The following RBFOX3 variants were observed in gnomAD, a reference collection of about 807,000 sequenced individuals.
RBFOX3 encodes the protein RNA binding fox-1 homolog 3, also known as RNA binding protein fox-1 homolog 3.
A neutral mutation model predicts 48.7 loss-of-function variants in RBFOX3; 17 were observed. The observed-to-expected ratio is 0.35, with a 90% CI of 0.24 to 0.52. RBFOX3 has a LOEUF of 0.52. Ranked by LOEUF, RBFOX3 falls within the 20% of genes least tolerant of loss-of-function variation. RBFOX3 has a pLI of 0.94. For synonymous variants in RBFOX3, 212 were observed against 209.5 expected (o/e 1.01, Z -0.10); for missense variants, 382 against 497.5 (o/e 0.77, Z 2.21).
In RBFOX3 at chr17:79,579,735, G is replaced by C; in HGVS notation, c.-320+31091C>G. Among the ~76,000 whole-genome samples the C allele has an allele frequency of 2.0e-5, 3 of 150,088 alleles. No individual in the cohort carries two copies. In the South Asian group the frequency reaches 6.4e-4, roughly 32 times the overall value. On this transcript the variant is annotated intron_variant, in intron 1 of 14. Transcript: ENST00000693108. ...CATGGTGGGGAGTCACTGGCGCCGT[G>C]GTGGGGAGTCACTGGCGCCGTGGTG...
intron 4 of RBFOX3, among the ~76,000 whole-genome samples, chr17:79,163,294 G>A (rs538561000): frequency 1.3e-4 from 20 of 152,322 alleles, no homozygotes; most frequent in African/African-American, 3.8e-4. Flanking sequence ...GGGGAAAGCC[G>A]CAGGCCCGGG....
chr17:79,463,037 A>T (rs1263156212), intron 2 of RBFOX3, among the ~76,000 whole-genome samples: 1 of 62,102 alleles, frequency 1.6e-5, no homozygotes, highest in Non-Finnish European at 4.6e-5. Context: ...CTCCACCACC[A>T]TCGCCACTGC....
intron 4 of RBFOX3, among the ~76,000 whole-genome samples, chr17:79,125,020 C>T (rs1417102140): frequency 6.6e-6 from 1 of 152,220 alleles, no homozygotes; most frequent in Non-Finnish European, 1.5e-5. Context: ...TCTGTCGTCG[C>T]CAGTTCTGGG....
At chr17:79,312,813 T>C (rs1013499707) in intron 2 of RBFOX3, among the ~76,000 whole-genome samples, 11 of 152,098 alleles carry the variant, frequency 7.2e-5, no homozygotes, top group African/African-American at 2.7e-4. Flanking sequence ...CATGTGAGGA[T>C]GGAGGGGCAG....
At chr17:79,182,036 C>T (rs1009443395) in intron 4 of RBFOX3, among the ~76,000 whole-genome samples, 1 of 151,980 alleles carries the variant, frequency 6.6e-6, no homozygotes, top group Non-Finnish European at 1.5e-5. Flanking sequence ...TCTCCTCCAA[C>T]GTGTGCATGG....
intron 1 of RBFOX3, among the ~76,000 whole-genome samples, chr17:79,582,782 C>CA (rs36155299): frequency 0.64 from 30,023 of 46,846 alleles, 10,981 homozygotes; most frequent in East Asian, 0.91. Context: ...GACCCCGTCT[C>CA]AAAAAAAAAA....
At chr17:79,207,180 T>G (rs1420673614) in intron 4 of RBFOX3, among the ~76,000 whole-genome samples, 2 of 152,246 alleles carry the variant, frequency 1.3e-5, no homozygotes, top group Non-Finnish European at 2.9e-5. Context: ...TAGGGTTGTT[T>G]TACGATTCAG....
At chr17:79,297,100 T>C (rs34654118) in intron 3 of RBFOX3, among the ~76,000 whole-genome samples, 70,166 of 137,808 alleles carry the variant, frequency 0.51, 16,887 homozygotes, top group Middle Eastern at 0.6. Flanking sequence ...CTTAAAGTGA[T>C]GCCCAAGGCC....
rs1312492760 is a variant in RBFOX3, at chr17:79,575,932, T to A, written c.-320+34894A>T. Among the ~76,000 whole-genome samples the A allele has an allele frequency of 3.9e-5, 6 of 152,198 alleles. No individual in the cohort carries two copies. In the East Asian group the frequency reaches 9.6e-4, roughly 24 times the overall value. ...TTCCAAGCAAAAGTCGCCAGTCCTGTTGGGAGCTTGGAGGGATGCTGTGCT... is the reference window on the plus strand; with the variant it reads ...TTCCAAGCAAAAGTCGCCAGTCCTGATGGGAGCTTGGAGGGATGCTGTGCT... On this transcript the variant is annotated intron_variant, in intron 1 of 14. Transcript: ENST00000693108.
chr17:79,559,439 A>G (rs946115341), intron 1 of RBFOX3, among the ~76,000 whole-genome samples: 1 of 146,014 alleles, frequency 6.8e-6, no homozygotes, highest in Non-Finnish European at 1.5e-5. Context: ...ATGGGTGGAT[A>G]GTAGATGGGT....
intron 1 of RBFOX3, among the ~76,000 whole-genome samples, chr17:79,573,608 G>A (rs2092758066): frequency 6.6e-6 from 1 of 152,198 alleles, no homozygotes; most frequent in Non-Finnish European, 1.5e-5. Flanking sequence ...CCATCCTACA[G>A]CTGTGACCAC....
intron 2 of RBFOX3, among the ~76,000 whole-genome samples, chr17:79,409,835 T>G (rs182232635): frequency 5.9e-5 from 9 of 152,198 alleles, no homozygotes; most frequent in South Asian, 2.1e-4. Context: ...AGGGATGCTG[T>G]CTGGCCTCTG....
chr17:79,596,272 C>T (rs2093567307), intron 1 of RBFOX3, among the ~76,000 whole-genome samples: 1 of 152,216 alleles, frequency 6.6e-6, no homozygotes, highest in Admixed American at 6.5e-5. Flanking sequence ...CCAACTGAAC[C>T]CTCAGGGCAG....
chr17:79,114,389 C>A (rs550340139), intron 5 of RBFOX3, among the ~76,000 whole-genome samples: 9 of 152,168 alleles, frequency 5.9e-5, no homozygotes, highest in Non-Finnish European at 7.4e-5. Flanking sequence ...TCGGGCTGGG[C>A]GGGGCTCCAA....
rs564915611 is a variant in RBFOX3 at position 79,267,284 on chromosome 17, C to A, written c.-73-31479G>T. ...TGGCGGGTCGCTGAAACTTTAGGGC[C>A]TTCAGTGCCTCCCCTTCAAGCTGAT... On this transcript the variant is annotated intron_variant, in intron 3 of 14. Transcript: ENST00000693108. Among the ~76,000 whole-genome samples the A allele has an allele frequency of 2.0e-5, 3 of 152,314 alleles. No homozygotes were observed. The South Asian group carries it at 6.2e-4, about 32-fold the overall frequency.
At chr17:79,467,414 C>A (rs1216237821) in intron 2 of RBFOX3, among the ~76,000 whole-genome samples, 1 of 152,196 alleles carries the variant, frequency 6.6e-6, no homozygotes, top group Non-Finnish European at 1.5e-5. Flanking sequence ...TTCCAAATTT[C>A]TTTTACATTT....
chr17:79,507,563 T>C (rs1293080140), intron 1 of RBFOX3, among the ~76,000 whole-genome samples: 7 of 151,972 alleles, frequency 4.6e-5, no homozygotes, highest in Non-Finnish European at 8.8e-5. Flanking sequence ...CCAGTCCATA[T>C]CCCAGGTCAA....
At chr17:79,279,470 G>T (rs2069720748) in intron 3 of RBFOX3, among the ~76,000 whole-genome samples, 2 of 152,170 alleles carry the variant, frequency 1.3e-5, no homozygotes, top group African/African-American at 4.8e-5. Flanking sequence ...GCACAGCATG[G>T]CCCGGCCCGG....
chr17:79,633,990 T>C, the RBFOX3 span, among the ~76,000 whole-genome samples: 1 of 152,184 alleles, frequency 6.6e-6, no homozygotes, highest in Non-Finnish European at 1.5e-5. Flanking sequence ...CATTAATCCA[T>C]TCCCACTCCT....
Sources: gnomAD v4.1 joint callset for allele counts (sites outside exome capture counted in the v4.1 genomes callset) on GRCh38, gnomAD v4.1.1 for gene constraint, MANE v1.5 for transcripts, NCBI Gene and HGNC (gene_info 2026-07-23, HGNC 2026-07-21) for gene names.